Variants in INPP4B observed in about 807,000 individuals in gnomAD.
INPP4B encodes the protein inositol polyphosphate-4-phosphatase type II B.
INPP4B carries 55 observed loss-of-function variants against 122.5 expected under a neutral mutation model. The ratio of observed to expected loss-of-function variants is 0.45; its 90% CI spans 0.36 to 0.56. The LOEUF (loss-of-function observed/expected upper bound fraction) is 0.56. Ranked by LOEUF, INPP4B falls within the 20% of genes least tolerant of loss-of-function variation. The probability of loss-of-function intolerance (pLI) is 0.00; values close to 1 mark genes in which losing one functional copy is unlikely to be tolerated. For synonymous variants in INPP4B, 403 were observed against 388.7 expected, an observed-to-expected ratio of 1.04 and a Z score of -0.43; for missense variants, 1,000 against 1,097.7, an observed-to-expected ratio of 0.91 and a Z score of 1.26.
chr4:142,760,854 T>C (rs2150972980), intron 1 of INPP4B, among the ~76,000 whole-genome samples: 1 of 152,292 alleles, frequency 6.6e-6, no homozygotes, highest in East Asian at 1.9e-4. Context: ...TTTGCCTAAA[T>C]TGTACTCATT....
At chr4:142,539,050 T>C (rs1828622311) in intron 2 of INPP4B, among the ~76,000 whole-genome samples, 1 of 150,894 alleles carries the variant, frequency 6.6e-6, no homozygotes, top group South Asian at 2.1e-4. Flanking sequence ...AGGCCTTTTT[T>C]TGTGATTATA....
At chr4:142,428,601 C>T (rs1808619459) in intron 5 of INPP4B, among the ~76,000 whole-genome samples, 2 of 151,952 alleles carry the variant, frequency 1.3e-5, no homozygotes, top group South Asian at 2.1e-4. Flanking sequence ...TCTCAGAATG[C>T]ACACTTTTAA....
At chr4:142,390,634 A>G (rs1217508532) in intron 7 of INPP4B, among the ~76,000 whole-genome samples, 4 of 152,190 alleles carry the variant, frequency 2.6e-5, no homozygotes, top group Admixed American at 6.5e-5. Flanking sequence ...AAAATAAAAC[A>G]TAATGTTTAA....
chr4:142,078,450 G>T (rs780158554), intron 25 of INPP4B, among the ~76,000 whole-genome samples: 3 of 151,616 alleles, frequency 2.0e-5, no homozygotes, highest in Non-Finnish European at 4.4e-5. Context: ...AGAAACCCAT[G>T]TCATTCACGT....
At chr4:142,173,193 C>A (rs962852592) in intron 16 of INPP4B, among the ~76,000 whole-genome samples, 1 of 151,940 alleles carries the variant, frequency 6.6e-6, no homozygotes, top group African/African-American at 2.4e-5. Flanking sequence ...GGAAGTACCC[C>A]ACACAGACTG....
At chr4:142,375,064 A>T (rs1791348919) in intron 7 of INPP4B, among the ~76,000 whole-genome samples, 1 of 151,732 alleles carries the variant, frequency 6.6e-6, no homozygotes, top group African/African-American at 2.4e-5. Flanking sequence ...CCCATCTTAT[A>T]CGGTCTAATC....
intron 2 of INPP4B, among the ~76,000 whole-genome samples, chr4:142,622,438 C>T (rs1422188643): frequency 6.6e-6 from 1 of 151,682 alleles, no homozygotes; most frequent in Non-Finnish European, 1.5e-5. Context: ...ATGGTTAAAG[C>T]AATAGGGAAT....
chr4:142,062,898 T>G (rs1474250287), intron 25 of INPP4B, among the ~76,000 whole-genome samples: 1 of 152,172 alleles, frequency 6.6e-6, no homozygotes, highest in East Asian at 1.9e-4. Context: ...AACACATATG[T>G]ATAGACCTCA....
intron 2 of INPP4B, among the ~76,000 whole-genome samples, chr4:142,560,206 G>C (rs1484412985): frequency 6.6e-6 from 1 of 152,148 alleles, no homozygotes; most frequent in Admixed American, 6.5e-5. Context: ...TTCCTTCCCC[G>C]CCTCAGCCAT....
intron 16 of INPP4B, among the ~76,000 whole-genome samples, chr4:142,172,210 C>T (rs1027473144): frequency 5.3e-5 from 8 of 151,904 alleles, no homozygotes; most frequent in East Asian, 1.9e-4. Context: ...AGACGGAGGG[C>T]GCTAAAAAGA....
At chr4:142,085,196 C>T (rs981424481) in intron 24 of INPP4B, among the ~76,000 whole-genome samples, 3 of 152,146 alleles carry the variant, frequency 2.0e-5, no homozygotes, top group African/African-American at 7.2e-5. Flanking sequence ...CATATGGGCT[C>T]ATGGTAAATT....
At chr4:142,264,603 G>A (rs537227057) in intron 10 of INPP4B, among the ~76,000 whole-genome samples, 5 of 152,164 alleles carry the variant, frequency 3.3e-5, no homozygotes, top group South Asian at 4.1e-4. Flanking sequence ...ATAAATATGT[G>A]TTCATAATAT....
intron 9 of INPP4B, 81 bp downstream of exon 9, chr4:142,305,377 G>A: frequency 9.5e-7 from 1 of 1,051,720 alleles, no homozygotes; most frequent in South Asian, 1.4e-5. Context: ...TGCAAGAATT[G>A]TGACTTTCAA....
intron 1 of INPP4B, among the ~76,000 whole-genome samples, chr4:142,768,349 A>C (rs1772475695): frequency 1.3e-5 from 2 of 152,202 alleles, no homozygotes; most frequent in African/African-American, 4.8e-5. Flanking sequence ...TGTCAGTCAA[A>C]GCACTAGACA....
chr4:142,820,692 G>C (rs1018507065), intron 1 of INPP4B, among the ~76,000 whole-genome samples: 9 of 152,028 alleles, frequency 5.9e-5, no homozygotes. Flanking sequence ...CCATATTTCA[G>C]TTGGCCAGTT....
intron 2 of INPP4B, among the ~76,000 whole-genome samples, chr4:142,672,415 T>A (rs1757137936): frequency 6.6e-6 from 1 of 152,032 alleles, no homozygotes; most frequent in South Asian, 2.1e-4. Context: ...GGTACAGTGG[T>A]TTTTTGGTGG....
intron 3 of INPP4B, among the ~76,000 whole-genome samples, chr4:142,457,596 C>T (rs950873269): frequency 1.3e-5 from 2 of 152,152 alleles, no homozygotes; most frequent in African/African-American, 4.8e-5. Flanking sequence ...AGAACTATCA[C>T]TACATACATA....
rs1460004881 is a variant in INPP4B, at chr4:142,026,900, A to AACTC, written c.*1878_*1881dup. 1 of 152,206 alleles carries AACTC rather than the reference A, an allele frequency of 6.6e-6. No homozygotes were observed. Among genetic ancestry groups the AACTC allele is most frequent in the Non-Finnish European group, 1.5e-5 (1 of 68,034 alleles). 9.4% of individuals were successfully genotyped at this position (152,206 alleles called of 1,614,324 possible). On this transcript the variant is annotated 3_prime_UTR_variant, in exon 26 of 26. Transcript: ENST00000262992. ...TGATAAATTACTTAAGGTTTCTTAG[A>AACTC]ACTCAGACTACCATTTGATATGCTG...
At chr4:142,318,927 C>T (rs1768928699) in intron 7 of INPP4B, among the ~76,000 whole-genome samples, 1 of 152,164 alleles carries the variant, frequency 6.6e-6, no homozygotes, top group Admixed American at 6.5e-5. Context: ...GACTTTAATG[C>T]TCATATTTAT....
Sources: allele counts gnomAD v4.1 joint callset (sites outside exome capture counted in the v4.1 genomes callset), GRCh38; gene constraint gnomAD v4.1.1; transcripts MANE v1.5; gene names NCBI Gene and HGNC (gene_info 2026-07-23, HGNC 2026-07-21).